The following TMEM132E variants were observed in gnomAD, a reference collection of about 807,000 sequenced individuals.
TMEM132E encodes transmembrane protein 132E.
A neutral mutation model predicts 78.5 loss-of-function variants in TMEM132E; 49 were observed. That is an observed-to-expected ratio of 0.62 (90% CI 0.50 to 0.79). The LOEUF is 0.79. Ranked by LOEUF, TMEM132E falls within the 30% of genes least tolerant of loss-of-function variation. The probability of loss-of-function intolerance (pLI) is 0.00; values close to 1 mark genes in which losing one functional copy is unlikely to be tolerated. For synonymous variants in TMEM132E, 715 were observed against 670.6 expected (o/e 1.07, Z -1.02); for missense variants, 1,403 against 1,470.9 (o/e 0.95, Z 0.75).
At chr17:34,607,038 T>C (rs1906436939) in intron 1 of TMEM132E, among the ~76,000 whole-genome samples, 1 of 152,200 alleles carries the variant, frequency 6.6e-6, no homozygotes, top group Non-Finnish European at 1.5e-5. Flanking sequence ...GCATCCCTGA[T>C]GGGAATCAAT....
rs1282785364 is a variant in TMEM132E at position 34,637,952 on chromosome 17, A to G, written c.2945A>G (p.Gln982Arg). Residue 982 changes from glutamine (Q) to arginine (R), a missense_variant, in exon 9 of 9, where the codon CAG becomes CGG. By Grantham distance (43) the Gln-to-Arg change is conservative. Coordinates refer to ENST00000631683, the MANE Select transcript of TMEM132E (RefSeq NM_001304438.2). ...SGSSQTSVQS[Q>R]VHGRGDGSSG... is the part of the protein sequence containing the mutation. ...AGCTCGCAGACCAGCGTCCAGAGCC[A>G]GGTGCACGGCAGGGGCGACGGCTCC... The G allele has an allele frequency of 6.2e-7, 1 of 1,606,078 alleles. No homozygotes were observed.
chr17:34,622,095 G>A lies in TMEM132E; in HGVS notation c.68-4032G>A, dbSNP rs563351134. The stretch of plus-strand genomic sequence containing the variant: ...GAGCTCTGTGCCGAGATGCAGGCCA[G>A]AGTGCATGTTAGCACACACGCGTGT... On this transcript the variant is annotated intron_variant, in intron 1 of 8. Coordinates refer to ENST00000631683, the MANE Select transcript of TMEM132E (RefSeq NM_001304438.2). 8.0e-4 allele frequency among the ~76,000 whole-genome samples: 122 copies of A among 152,316 alleles called. No homozygotes were observed. The Middle Eastern group carries it at 0.014, about 17-fold the overall frequency.
intron 1 of TMEM132E, among the ~76,000 whole-genome samples, chr17:34,596,704 G>A (rs1906070737): frequency 6.6e-6 from 1 of 151,952 alleles, no homozygotes; most frequent in Non-Finnish European, 1.5e-5. Flanking sequence ...GAACCCTGCA[G>A]GTCCTCCTCA....
rs116937702 is a variant in TMEM132E at position 34,623,500 on chromosome 17, G to A, written c.68-2627G>A. The stretch of plus-strand genomic sequence containing the variant: ...CCCAGCCCAGAGGGAGGAGCGTGGG[G>A]CCCCACCTTGGCCTCAGCACTCAAA... On this transcript the variant is annotated intron_variant, in intron 1 of 8. Coordinates refer to ENST00000631683, the MANE Select transcript of TMEM132E (RefSeq NM_001304438.2). Among the ~76,000 whole-genome samples, 1,449 of 151,074 alleles carry A rather than the reference G, an allele frequency of 9.6e-3. 25 individuals are homozygous for A. The highest frequency in any genetic ancestry group is 0.072 in the East Asian group (369 of 5,096).
intron 1 of TMEM132E, among the ~76,000 whole-genome samples, chr17:34,597,414 C>T (rs994948947): frequency 3.9e-5 from 6 of 152,124 alleles, no homozygotes; most frequent in African/African-American, 1.4e-4. Context: ...GTCCTGATTC[C>T]TAGGAAAAAG....
At chr17:34,617,499 T>TTGAATGAA (rs35356399) in intron 1 of TMEM132E, among the ~76,000 whole-genome samples, 5 of 152,170 alleles carry the variant, frequency 3.3e-5, no homozygotes, top group Middle Eastern at 6.8e-3. Flanking sequence ...CCAATAAATG[T>TTGAATGAA]TGAATGAATG....
intron 1 of TMEM132E, among the ~76,000 whole-genome samples, chr17:34,612,242 G>C (rs1906614130): frequency 6.6e-6 from 1 of 152,208 alleles, no homozygotes. Context: ...TAGGAAAGTA[G>C]ACAGCATGTA....
rs944521676 is a variant in TMEM132E, at chr17:34,580,650, G to A, written c.-427G>A. ...TCCATGTGCGGTTACTACCGAAACCGAGGAAACTGGGGATTGCGTTGGAAG... is the reference window on the plus strand; with the variant it reads ...TCCATGTGCGGTTACTACCGAAACCAAGGAAACTGGGGATTGCGTTGGAAG... On this transcript the variant is annotated 5_prime_UTR_variant, in exon 1 of 9. Transcript: ENST00000631683. 15 of 173,740 alleles carry A rather than the reference G, an allele frequency of 8.6e-5. No individual in the cohort carries two copies. Among genetic ancestry groups the A allele is most frequent in the African/African-American group, 3.3e-4 (14 of 42,316 alleles). The allele number at this position is 173,740 out of a possible 1,614,324, so 10.8% of individuals were successfully genotyped here. A position where few individuals can be genotyped will look rare whatever the true frequency, so the allele number is the denominator to read the frequency against.
intron 8 of TMEM132E, among the ~76,000 whole-genome samples, 193 bp downstream of exon 8, chr17:34,636,391 G>T (rs1463685780): frequency 6.6e-6 from 1 of 152,198 alleles, no homozygotes; most frequent in Admixed American, 6.5e-5. Context: ...GCAAGGTCTT[G>T]CTTGCTGCTC....
intron 1 of TMEM132E, among the ~76,000 whole-genome samples, chr17:34,590,809 AGT>A (rs1471192044): frequency 2.0e-5 from 3 of 152,122 alleles, no homozygotes; most frequent in Non-Finnish European, 4.4e-5. Flanking sequence ...GGAGTGAGGG[AGT>A]GACATCATCA....
intron 1 of TMEM132E, among the ~76,000 whole-genome samples, chr17:34,615,517 ATGTGTGTGTGTGTGTGTGTGTGTG>A (rs3048841): frequency 7.1e-6 from 1 of 140,770 alleles, no homozygotes; most frequent in Non-Finnish European, 1.5e-5. Flanking sequence ...ACTGGCACAG[ATGTGTGTGTGTGTGTGTGTGTGTG>A]TGTGTGTGTG....
chr17:34,592,561 T>C (rs1387604468), intron 1 of TMEM132E, among the ~76,000 whole-genome samples: 2 of 152,212 alleles, frequency 1.3e-5, no homozygotes, highest in Admixed American at 1.3e-4. Context: ...AGCAGGAGCC[T>C]CCTCATCCAC....
intron 1 of TMEM132E, among the ~76,000 whole-genome samples, chr17:34,623,629 C>G (rs1364549949): frequency 1.3e-5 from 2 of 152,354 alleles, no homozygotes; most frequent in East Asian, 3.9e-4. Flanking sequence ...CTCAACATCC[C>G]TGTGAGGGGG....
chr17:34,629,978 A>G (rs1597691599), intron 4 of TMEM132E, 30 bp from the exon 5 acceptor site: 3 of 1,580,990 alleles, frequency 1.9e-6, no homozygotes, highest in East Asian at 4.5e-5. Context: ...GGGGACCACA[A>G]GTAGAGCCCC....
intron 1 of TMEM132E, among the ~76,000 whole-genome samples, chr17:34,593,639 G>A (rs1042247069): frequency 2.0e-5 from 3 of 152,226 alleles, no homozygotes; most frequent in Admixed American, 6.5e-5. Flanking sequence ...GGCATGATTT[G>A]TGCTGACGAT....
intron 1 of TMEM132E, among the ~76,000 whole-genome samples, chr17:34,585,306 C>G (rs375643549): frequency 1.6e-4 from 25 of 152,158 alleles, no homozygotes; most frequent in South Asian, 1.0e-3. Flanking sequence ...AGGCCCTTGC[C>G]GGGGGCCTGT....
At chr17:34,620,756 G>A (rs754895471) in intron 1 of TMEM132E, among the ~76,000 whole-genome samples, 8 of 152,238 alleles carry the variant, frequency 5.3e-5, no homozygotes, top group Non-Finnish European at 1.0e-4. Flanking sequence ...GGGGTTGAAT[G>A]ACTAGGATGG....
At chr17:34,585,148 T>C (rs1255847972) in intron 1 of TMEM132E, among the ~76,000 whole-genome samples, 1 of 152,184 alleles carries the variant, frequency 6.6e-6, no homozygotes, top group Non-Finnish European at 1.5e-5. Flanking sequence ...CATAGCCTTG[T>C]TAATGTTTAA....
At chr17:34,625,537 T>C (rs965494089) in intron 1 of TMEM132E, among the ~76,000 whole-genome samples, 29 of 152,308 alleles carry the variant, frequency 1.9e-4, no homozygotes, top group African/African-American at 5.5e-4. Flanking sequence ...ATCTGTAAGA[T>C]GTTAGGATTG....
Sources: allele counts gnomAD v4.1 joint callset (sites outside exome capture counted in the v4.1 genomes callset), GRCh38; gene constraint gnomAD v4.1.1; transcripts MANE v1.5; gene names NCBI Gene and HGNC (gene_info 2026-07-23, HGNC 2026-07-21).